The following EPM2A variants were observed in gnomAD, a reference collection of about 807,000 sequenced individuals.
EPM2A encodes the protein laforin.
In EPM2A, 21 loss-of-function variants were observed where a neutral mutation model predicts 26.5. The ratio of observed to expected loss-of-function variants is 0.79; its 90% confidence interval spans 0.56 to 1.14. The LOEUF (loss-of-function observed/expected upper bound fraction) is 1.14, where lower values mean the gene tolerates loss of function less well. Ranked by LOEUF, EPM2A falls within the 50% of genes most tolerant of loss-of-function variation. The pLI is 0.00. For synonymous variants in EPM2A, 217 were observed against 177.6 expected (o/e 1.22, Z -1.76); for missense variants, 458 against 440.8 (o/e 1.04, Z -0.35).
At chr6:145,439,100 A>G (rs938655680) in intron 4 of EPM2A, among the ~76,000 whole-genome samples, 8 of 152,128 alleles carry the variant, frequency 5.3e-5, no homozygotes, top group Admixed American at 3.3e-4. Context: ...TGCTAAGGAT[A>G]ATGGCTTCCA....
intron 4 of EPM2A, among the ~76,000 whole-genome samples, chr6:145,418,128 C>T (rs1477677063): frequency 6.6e-6 from 1 of 152,194 alleles, no homozygotes; most frequent in African/African-American, 2.4e-5. Context: ...TTGCACATTT[C>T]TGTTCTCCAT....
chr6:145,508,397 A>T (rs1001602640), intron 2 of EPM2A, among the ~76,000 whole-genome samples: 12 of 152,244 alleles, frequency 7.9e-5, no homozygotes, highest in African/African-American at 2.9e-4. Context: ...GGAAGCCTGA[A>T]TTACACCTCC....
At chr6:145,513,564 G>A (rs1284358116) in intron 2 of EPM2A, among the ~76,000 whole-genome samples, 1 of 152,306 alleles carries the variant, frequency 6.6e-6, no homozygotes, top group Middle Eastern at 3.4e-3. Context: ...CAGTGGAAAA[G>A]AAATTATTAT....
At chr6:145,641,315 A>G (rs185452934) in intron 2 of EPM2A, 6 of 152,316 alleles carry the variant, frequency 3.9e-5, no homozygotes, top group African/African-American at 9.6e-5. Context: ...CAAAATGACT[A>G]GTGTCCTTAT....
At chr6:145,546,109 C>G (rs1477890069) in intron 2 of EPM2A, among the ~76,000 whole-genome samples, 1 of 152,134 alleles carries the variant, frequency 6.6e-6, no homozygotes, top group Non-Finnish European at 1.5e-5. Flanking sequence ...GTCTCACTAT[C>G]TGTCATCTGC....
chr6:145,560,883 C>A lies in EPM2A; in HGVS notation c.341-58308G>T, dbSNP rs572942663. Among the ~76,000 whole-genome samples the A allele has an allele frequency of 1.6e-3, 240 of 152,012 alleles. 1 individual carries two copies. The highest frequency in any genetic ancestry group is 8.4e-3 in the Admixed American group (128 of 15,258). ...CTTTATTATTTAATTATTTTAATAA[C>A]CAATTATTATTATTTTTATCATTGT... On this transcript the variant is annotated intron_variant, in intron 2 of 3. Coordinates refer to the EPM2A transcript ENST00000450221.
chr6:145,589,421 G>A (rs1304540579), intron 2 of EPM2A, among the ~76,000 whole-genome samples: 1 of 152,136 alleles, frequency 6.6e-6, no homozygotes, highest in Non-Finnish European at 1.5e-5. Context: ...GATTATCTGA[G>A]GTAGCAATCA....
At chr6:145,655,678 AT>A (rs1244177253) in intron 2 of EPM2A, among the ~76,000 whole-genome samples, 7 of 152,204 alleles carry the variant, frequency 4.6e-5, no homozygotes, top group Non-Finnish European at 8.8e-5. Flanking sequence ...AAAGCTTTAA[AT>A]AAGAGTTTCT....
chr6:145,592,654 C>A (rs985336089), intron 2 of EPM2A, among the ~76,000 whole-genome samples: 1 of 152,086 alleles, frequency 6.6e-6, no homozygotes, highest in African/African-American at 2.4e-5. Flanking sequence ...TGTTTCCTGA[C>A]TTTTTAATGA....
chr6:145,569,193 G>T (rs543819905), intron 2 of EPM2A, among the ~76,000 whole-genome samples: 2 of 152,120 alleles, frequency 1.3e-5, no homozygotes, highest in Non-Finnish European at 2.9e-5. Flanking sequence ...ATAATAGCCT[G>T]GATTGGTATA....
chr6:145,690,925 T>C (rs2142978), intron 1 of EPM2A, among the ~76,000 whole-genome samples: 109,795 of 151,208 alleles, frequency 0.73, 40,348 homozygotes, highest in African/African-American at 0.82. Context: ...CAAGATAGAA[T>C]CATGGAAATT....
At chr6:145,609,742 T>C (rs1250378184) in intron 2 of EPM2A, among the ~76,000 whole-genome samples, 1 of 152,224 alleles carries the variant, frequency 6.6e-6, no homozygotes, top group Non-Finnish European at 1.5e-5. Context: ...CAATTGAACA[T>C]TCAATTTTCT....
At chr6:145,482,347 A>G (rs1779619950) in intron 4 of EPM2A, among the ~76,000 whole-genome samples, 2 of 152,160 alleles carry the variant, frequency 1.3e-5, no homozygotes, top group South Asian at 2.1e-4. Context: ...AATGTCTTCT[A>G]CATAGTGAAT....
chr6:145,697,124 G>A (rs1341304455), intron 1 of EPM2A, among the ~76,000 whole-genome samples: 1 of 152,060 alleles, frequency 6.6e-6, no homozygotes, highest in African/African-American at 2.4e-5. Flanking sequence ...TTTCACGTAG[G>A]TTCTTTTCTA....
In EPM2A at chr6:145,686,107, T is replaced by C; in HGVS notation, c.476+15A>G. 1 of 1,605,156 alleles carries C rather than the reference T, an allele frequency of 6.2e-7. No individual in the cohort carries two copies. Among genetic ancestry groups the C allele is most frequent in the Non-Finnish European group, 8.5e-7 (1 of 1,171,864 alleles). On this transcript the variant is annotated intron_variant, in intron 2 of 3. Transcript: ENST00000367519. ...TGTCCTACTTCTATGCCTATAAATATAGCACTATTTTTACCTTGAATAATG... is the reference window on the plus strand; with the variant it reads ...TGTCCTACTTCTATGCCTATAAATACAGCACTATTTTTACCTTGAATAATG...
At chr6:145,444,490 A>G (rs1779106379) in intron 4 of EPM2A, among the ~76,000 whole-genome samples, 1 of 152,088 alleles carries the variant, frequency 6.6e-6, no homozygotes. Context: ...GTTTGCTAAT[A>G]TTTTGTTGAT....
In EPM2A at chr6:145,674,538, C is replaced by G. The variant is rs113853137; in HGVS notation, c.476+11584G>C. Among the ~76,000 whole-genome samples, 1,163 of 152,028 alleles carry G rather than the reference C, an allele frequency of 7.6e-3. 19 individuals are homozygous for G. The highest frequency in any genetic ancestry group is 0.027 in the African/African-American group (1,104 of 41,476). ...AACCCATCAGAAGGAAGCTAAAAAC[C>G]TTGAAAAAAGGTTAGACAAATGGCT... On this transcript the variant is annotated intron_variant, in intron 2 of 3. Coordinates refer to ENST00000367519, the MANE Select transcript of EPM2A (RefSeq NM_005670.4).
At chr6:145,639,323 G>T (rs1776914065) in intron 2 of EPM2A, 1 of 152,164 alleles carries the variant, frequency 6.6e-6, no homozygotes, top group Admixed American at 6.5e-5. Context: ...GTCAGCTCAG[G>T]ACAGAAGTTT....
At position 145,627,493 on chromosome 6, in the gene EPM2A, C is replaced by G; in HGVS notation, c.919G>C (p.Glu307Gln). 1 of 1,614,258 alleles carries G rather than the reference C, an allele frequency of 6.2e-7. No homozygotes were observed. Among genetic ancestry groups the G allele is most frequent in the Non-Finnish European group, 8.5e-7 (1 of 1,180,046 alleles). Residue 307 changes from glutamate (E) to glutamine (Q), a missense_variant, in exon 4 of 4, where the codon GAA (glutamate) becomes CAA (glutamine). Glu to Gln is a conservative substitution (Grantham distance 29, BLOSUM62 2). Transcript: ENST00000367519. ...TCTTGTGCCCGGGCCAAGGCCTCTT[C>G]GTCAATGTAGACAGCCGGCCTCTTG... ...MAKRPAVYID[E>Q]EALARAQEDF...
Sources: gnomAD v4.1 joint callset for allele counts (sites outside exome capture counted in the v4.1 genomes callset) on GRCh38, gnomAD v4.1.1 for gene constraint, MANE v1.5 for transcripts, NCBI Gene and HGNC (gene_info 2026-07-23, HGNC 2026-07-21) for gene names.